PTPN12: variants seen among roughly 807,000 people sequenced by gnomAD.
PTPN12 encodes the protein tyrosine-protein phosphatase non-receptor type 12.
In PTPN12, 29 loss-of-function variants were observed where a neutral mutation model predicts 97.6. The observed-to-expected ratio is 0.30, with a 90% confidence interval of 0.22 to 0.41. The LOEUF is 0.41. PTPN12 is among the 10% of genes least tolerant of loss of function. PTPN12 has a pLI of 1.00. For synonymous variants in PTPN12, 327 were observed against 300.4 expected (o/e 1.09, Z -0.91); for missense variants, 819 against 926.0 (o/e 0.88, Z 1.50).
intron 2 of PTPN12, among the ~76,000 whole-genome samples, chr7:77,577,778 A>G (rs1186021143): frequency 6.6e-6 from 1 of 152,184 alleles, no homozygotes; most frequent in Non-Finnish European, 1.5e-5. Context: ...TAGAATTTAA[A>G]TGGGGAGTTT....
At position 77,597,865 on chromosome 7, in the gene PTPN12, C is replaced by CT; in HGVS notation, c.517dup (p.Tyr173LeufsTer9). On this transcript the variant is annotated frameshift_variant, in exon 7 of 18. Coordinates refer to ENST00000248594, the MANE Select transcript of PTPN12 (RefSeq NM_002835.4). LOFTEE classifies it high-confidence loss of function. Reference sequence around the variant, plus strand: ...AGGAGGATGAACAAGCAAGAACAGACTACTTCATCAGGACACTCTTACTTG... The same window carrying CT: ...AGGAGGATGAACAAGCAAGAACAGACTTACTTCATCAGGACACTCTTACTTG... 6.2e-7 allele frequency: 1 copy of CT among 1,612,228 alleles called. No homozygotes were observed. Among genetic ancestry groups the CT allele is most frequent in the Non-Finnish European group, 8.5e-7 (1 of 1,179,268 alleles).
At chr7:77,635,679 G>T (rs749550287) in intron 14 of PTPN12, 103 bp from the exon 15 acceptor site, 3 of 623,330 alleles carry the variant, frequency 4.8e-6, no homozygotes, top group Non-Finnish European at 7.4e-6. Flanking sequence ...TTGTGGAAGC[G>T]ATAGTTTCTA....
chr7:77,602,462 A>G (rs1219206397), intron 8 of PTPN12, among the ~76,000 whole-genome samples: 1 of 152,144 alleles, frequency 6.6e-6, no homozygotes, highest in Admixed American at 6.6e-5. Context: ...TCAAGAAAAT[A>G]ATAAATGTTT....
intron 1 of PTPN12, among the ~76,000 whole-genome samples, chr7:77,551,094 T>A (rs1188851336): frequency 2.6e-5 from 4 of 152,204 alleles, no homozygotes; most frequent in Non-Finnish European, 1.5e-5. Context: ...GGAGTCTCGC[T>A]CTGTCACCCA....
At chr7:77,569,497 C>T (rs746525322) in intron 1 of PTPN12, among the ~76,000 whole-genome samples, 2 of 152,076 alleles carry the variant, frequency 1.3e-5, no homozygotes, top group East Asian at 1.9e-4. Context: ...AGTGGTTGGG[C>T]GCGTGGCTCA....
intron 5 of PTPN12, among the ~76,000 whole-genome samples, chr7:77,588,696 A>AG (rs1198882774): frequency 6.6e-6 from 1 of 152,204 alleles, no homozygotes; most frequent in East Asian, 1.9e-4. Flanking sequence ...GTACTTAACA[A>AG]TAATTAATTA....
intron 2 of PTPN12, 64 bp from the exon 3 acceptor site, chr7:77,581,363 T>C: frequency 2.7e-6 from 3 of 1,101,434 alleles, no homozygotes; most frequent in Non-Finnish European, 4.1e-6. Context: ...TTAACCTTAC[T>C]TACGCTTCAT....
At chr7:77,594,886 C>T (rs1787977617) in intron 6 of PTPN12, among the ~76,000 whole-genome samples, 1 of 152,020 alleles carries the variant, frequency 6.6e-6, no homozygotes, top group South Asian at 2.1e-4. Flanking sequence ...AACAACAAAC[C>T]AACTTGAAAT....
At chr7:77,564,771 TTTTTTG>T (rs1808185156) in intron 1 of PTPN12, among the ~76,000 whole-genome samples, 3 of 121,150 alleles carry the variant, frequency 2.5e-5, no homozygotes, top group Admixed American at 8.7e-5. Flanking sequence ...TTTTTTTTTT[TTTTTTG>T]AGACGGAATC....
intron 8 of PTPN12, among the ~76,000 whole-genome samples, chr7:77,603,405 T>C (rs1788249830): frequency 6.6e-6 from 1 of 152,370 alleles, no homozygotes; most frequent in South Asian, 2.1e-4. Context: ...TCTTTTGCTT[T>C]CCACTAGTTC....
chr7:77,595,293 A>G (rs1398051672), intron 6 of PTPN12, among the ~76,000 whole-genome samples: 1 of 152,240 alleles, frequency 6.6e-6, no homozygotes, highest in Non-Finnish European at 1.5e-5. Flanking sequence ...AAGAAAAATC[A>G]AATTTATAAA....
intron 7 of PTPN12, among the ~76,000 whole-genome samples, chr7:77,599,500 G>A (rs1481201717): frequency 6.6e-6 from 1 of 152,040 alleles, no homozygotes; most frequent in East Asian, 1.9e-4. Context: ...ATGTTGCTCA[G>A]GCTGCTGTCA....
intron 13 of PTPN12, among the ~76,000 whole-genome samples, chr7:77,629,093 G>T (rs992731981): frequency 6.6e-6 from 1 of 152,094 alleles, no homozygotes; most frequent in South Asian, 2.1e-4. Context: ...GGGAATACAG[G>T]CATGCGCCAC....
At chr7:77,599,224 G>C (rs1788116908) in intron 7 of PTPN12, among the ~76,000 whole-genome samples, 1 of 151,190 alleles carries the variant, frequency 6.6e-6, no homozygotes, top group Admixed American at 6.6e-5. Context: ...CTGTTTTACT[G>C]GTTTACAATT....
At chr7:77,553,330 A>T (rs765232978) in intron 1 of PTPN12, among the ~76,000 whole-genome samples, 16 of 152,202 alleles carry the variant, frequency 1.1e-4, no homozygotes, top group Non-Finnish European at 4.4e-5. Context: ...TGTTAAGTTC[A>T]TCTGTGTCCT....
At chr7:77,622,613 CA>C (rs987303843) in intron 12 of PTPN12, among the ~76,000 whole-genome samples, 14 of 151,146 alleles carry the variant, frequency 9.3e-5, no homozygotes, top group Non-Finnish European at 1.0e-4. Flanking sequence ...ACTAAAAATA[CA>C]AAAAAAATTA....
At chr7:77,629,512 T>G (rs1789322426) in intron 13 of PTPN12, among the ~76,000 whole-genome samples, 1 of 152,082 alleles carries the variant, frequency 6.6e-6, no homozygotes, top group African/African-American at 2.4e-5. Flanking sequence ...GTATTGTACC[T>G]AGGAAGTTTT....
intron 1 of PTPN12, among the ~76,000 whole-genome samples, chr7:77,552,262 A>G (rs1183685474): frequency 6.6e-6 from 1 of 151,546 alleles, no homozygotes; most frequent in East Asian, 1.9e-4. Flanking sequence ...GACTACAGGC[A>G]TGAGCCACTG....
intron 16 of PTPN12, among the ~76,000 whole-genome samples, chr7:77,638,223 G>A (rs1789676073): frequency 6.6e-6 from 1 of 151,766 alleles, no homozygotes; most frequent in Admixed American, 6.6e-5. Context: ...CTCCCAAAGT[G>A]CTGGGATTAC....
Sources: gnomAD v4.1 joint callset for allele counts (sites outside exome capture counted in the v4.1 genomes callset) on GRCh38, gnomAD v4.1.1 for gene constraint, MANE v1.5 for transcripts, NCBI Gene and HGNC (gene_info 2026-07-23, HGNC 2026-07-21) for gene names.